Variants in SETDB2 observed in about 807,000 individuals in gnomAD.
The protein encoded by SETDB2 is histone-lysine N-methyltransferase SETDB2.
SETDB2 carries 56 observed loss-of-function variants against 82.5 expected under a neutral mutation model. That is an observed-to-expected ratio of 0.68 (90% confidence interval 0.55 to 0.85). The LOEUF (loss-of-function observed/expected upper bound fraction) is 0.85, where lower values mean the gene tolerates loss of function less well. SETDB2 is among the 40% of genes least tolerant of loss of function. The pLI is 0.00. For synonymous variants in SETDB2, 272 were observed against 284.9 expected, an observed-to-expected ratio of 0.95 and a Z score of 0.46; for missense variants, 677 against 816.4, an observed-to-expected ratio of 0.83 and a Z score of 2.08.
chr13:49,469,544 CCTT>C (rs1322257578), intron 5 of SETDB2, among the ~76,000 whole-genome samples: 1 of 152,172 alleles, frequency 6.6e-6, no homozygotes, highest in Non-Finnish European at 1.5e-5. Context: ...ACCCTTGATG[CCTT>C]CTTCTAGAGA....
chr13:49,466,811 C>T (rs1296502119), intron 4 of SETDB2, among the ~76,000 whole-genome samples: 1 of 116,766 alleles, frequency 8.6e-6, no homozygotes. Context: ...GCCTGGCTAA[C>T]TTTTTTTTTT....
chr13:49,490,932 C>T (rs754393214), intron 13 of SETDB2, 22 bp downstream of exon 13: 7 of 1,576,988 alleles, frequency 4.4e-6, no homozygotes, highest in Non-Finnish European at 5.2e-6. Flanking sequence ...ATTTCGCTTA[C>T]TTAATTCTGA....
intron 5 of SETDB2, among the ~76,000 whole-genome samples, chr13:49,468,585 A>G (rs1362879847): frequency 6.6e-6 from 1 of 151,730 alleles, no homozygotes; most frequent in Non-Finnish European, 1.5e-5. Flanking sequence ...TTCAAAAAAC[A>G]AAGAAGTATC....
rs781092045 is a variant in SETDB2 at position 49,483,572 on chromosome 13, T to A, written c.1482+9T>A. On this transcript the variant is annotated intron_variant, in intron 10 of 13. Transcript: ENST00000611815. ...ACAATGGGAAAAAAATGGTAAAAAA[T>A]GCAAAATGTAGTTGGGACCCTTCTT... is the stretch of plus-strand genomic sequence containing the variant. 7 of 1,277,558 alleles carry A rather than the reference T, an allele frequency of 5.5e-6. No homozygotes were observed. Among genetic ancestry groups the A allele is most frequent in the Non-Finnish European group, 7.6e-6 (7 of 923,536 alleles). The allele number at this position is 1,277,558 out of a possible 1,614,324, so 79.1% of individuals were successfully genotyped here. A position where few individuals can be genotyped will look rare whatever the true frequency, so the allele number is the denominator to read the frequency against.
intron 4 of SETDB2, among the ~76,000 whole-genome samples, chr13:49,461,456 A>T (rs547561176): frequency 1.3e-3 from 200 of 152,346 alleles, no homozygotes; most frequent in African/African-American, 4.7e-3. Flanking sequence ...TTCTAACTTT[A>T]AAACACTATA....
At position 49,482,759 on chromosome 13, in the gene SETDB2, C is replaced by T. The variant is rs1394078022; in HGVS notation, c.1179C>T (p.Asn393=). The T allele has an allele frequency of 6.2e-7, 1 of 1,610,758 alleles. No homozygotes were observed. The highest frequency in any genetic ancestry group is 1.3e-5 in the African/African-American group (1 of 74,848). ...TAGGAAGATTACTAAGCAGAGCTAA[C>T]ACTGAAAAATCTTATGGTATTGATG... ...IYSGRLLSRA[N]TEKSYGIDEN... is the part of the protein sequence containing the mutation. Residue 393 remains asparagine (N), a synonymous_variant, in exon 9 of 14, where the codon AAC becomes AAT. Coordinates refer to ENST00000611815, the MANE Select transcript of SETDB2 (RefSeq NM_001160308.3).
intron 3 of SETDB2, 24 bp from the exon 4 acceptor site, chr13:49,461,073 A>T (rs1167552532): frequency 6.3e-7 from 1 of 1,583,438 alleles, no homozygotes; most frequent in South Asian, 1.1e-5. Context: ...GGTAATGGTG[A>T]TGCTGTTTTT....
intron 11 of SETDB2, among the ~76,000 whole-genome samples, chr13:49,487,612 G>A (rs1399587023): frequency 6.6e-6 from 1 of 152,054 alleles, no homozygotes; most frequent in African/African-American, 2.4e-5. Flanking sequence ...AAAGTGCTGG[G>A]ATTACAGGCA....
chr13:49,448,483 CT>C (rs1353871103), intron 1 of SETDB2, among the ~76,000 whole-genome samples: 3 of 152,168 alleles, frequency 2.0e-5, no homozygotes, highest in Non-Finnish European at 4.4e-5. Context: ...AAATGTATTA[CT>C]TCAACCGATC....
chr13:49,485,715 G>T lies in SETDB2; in HGVS notation c.1568G>T (p.Gly523Val). ...GAGCATCTGAACTCTAAAACCAAGG[G>T]AGCACAAAGTAGGCTTTGTTTCTTC... ...PREHLNSKTK[G>V]AQKDSSSNHV... Residue 523 changes from glycine to valine, a missense_variant, in exon 11 of 14, where the codon GGA becomes GTA. Gly to Val is a moderately radical substitution (Grantham distance 109, BLOSUM62 -3). Around this residue, in one of 3 missense-constraint regions of SETDB2, gnomAD observed 420 missense variants for 554.6 expected, o/e 0.76. Coordinates refer to ENST00000611815, the MANE Select transcript of SETDB2 (RefSeq NM_001160308.3). 1 of 1,613,650 alleles carries T rather than the reference G, an allele frequency of 6.2e-7. No individual in the cohort carries two copies. The highest frequency in any genetic ancestry group is 8.5e-7 in the Non-Finnish European group (1 of 1,179,786).
At chr13:49,454,577 C>G (rs1225637758) in intron 2 of SETDB2, among the ~76,000 whole-genome samples, 3 of 152,156 alleles carry the variant, frequency 2.0e-5, no homozygotes, top group African/African-American at 7.2e-5. Context: ...CCACCCAGCC[C>G]TTGGTGAAGT....
chr13:49,486,597 C>T (rs1958602598), intron 11 of SETDB2, among the ~76,000 whole-genome samples: 3 of 152,300 alleles, frequency 2.0e-5, no homozygotes, highest in African/African-American at 7.2e-5. Context: ...CAGCCACTTT[C>T]AAACTCTTTG....
chr13:49,455,387 T>C (rs1194523897), intron 2 of SETDB2, among the ~76,000 whole-genome samples: 2 of 152,166 alleles, frequency 1.3e-5, no homozygotes, highest in South Asian at 2.1e-4. Context: ...TTAAAATCCA[T>C]TGGTCTATCT....
Position 49,467,960 on chromosome 13 carries a change from T to G in SETDB2, c.305T>G (p.Leu102Arg). 6.3e-7 allele frequency: 1 copy of G among 1,575,732 alleles called. No homozygotes were observed. ...ENSFPEDCTF[L>R]TTENKEILSL... ...TCCTTTCCAGAAGACTGTACATTTC[T>G]GTATGTATATAAATTCTTTGTTATT... The change falls in exon 5 of 14, where the codon CTA becomes CGA. Residue 102 changes from leucine to arginine, a missense_variant and splice_region_variant. By Grantham distance (102) the Leu-to-Arg change is moderately radical (BLOSUM62 -2). Transcript: ENST00000611815.
chr13:49,488,971 AG>A (rs1415268508), intron 12 of SETDB2: 2 of 175,302 alleles, frequency 1.1e-5, no homozygotes, highest in Non-Finnish European at 2.4e-5. Context: ...GATTTAAATA[AG>A]CTCACTTACC....
intron 8 of SETDB2, among the ~76,000 whole-genome samples, chr13:49,481,378 T>C (rs1594172245): frequency 6.6e-6 from 1 of 152,196 alleles, no homozygotes; most frequent in South Asian, 2.1e-4. Flanking sequence ...CAAGGCACAT[T>C]TGTTTTGTCT....
At chr13:49,474,597 A>G (rs945978254) in intron 5 of SETDB2, among the ~76,000 whole-genome samples, 2 of 152,270 alleles carry the variant, frequency 1.3e-5, no homozygotes, top group African/African-American at 4.8e-5. Flanking sequence ...AGATCACTGT[A>G]TAAGTTTACT....
At chr13:49,456,814 T>A (rs1223160398) in intron 2 of SETDB2, among the ~76,000 whole-genome samples, 1 of 152,212 alleles carries the variant, frequency 6.6e-6, no homozygotes, top group Admixed American at 6.5e-5. Flanking sequence ...GTTTCATTTA[T>A]CAGAAAGTTT....
chr13:49,494,990 TACTGGCA>T lies in SETDB2; in HGVS notation c.*3147_*3153del, dbSNP rs1262503125. 2.6e-5 allele frequency: 4 copies of T among 152,178 alleles called. No homozygotes were observed. Among genetic ancestry groups the T allele is most frequent in the Non-Finnish European group, 4.4e-5 (3 of 68,030 alleles). The allele number at this position is 152,178 out of a possible 1,614,324, so 9.4% of individuals were successfully genotyped here. A position where few individuals can be genotyped will look rare whatever the true frequency, so the allele number is the denominator to read the frequency against. On this transcript the variant is annotated 3_prime_UTR_variant, in exon 14 of 14. Transcript: ENST00000611815. The stretch of plus-strand genomic sequence containing the variant: ...CTATGGGTGCTAAATAAAGGCTTGC[TACTGGCA>T]ACTGGATTTAGGATCGGCTAATTCT...
Sources: gnomAD v4.1 joint callset for allele counts (sites outside exome capture counted in the v4.1 genomes callset) on GRCh38, gnomAD v4.1.1 for gene constraint, gnomAD v4.1.1 regional missense constraint, MANE v1.5 for transcripts, NCBI Gene and HGNC (gene_info 2026-07-23, HGNC 2026-07-21) for gene names.